The following RBM6 variants were observed in gnomAD, a reference collection of about 807,000 sequenced individuals.
RBM6 encodes the protein RNA binding motif protein 6.
A neutral mutation model predicts 140.4 loss-of-function variants in RBM6; 23 were observed. That is an observed-to-expected ratio of 0.16 (90% CI 0.12 to 0.23). The LOEUF is 0.23. Ranked by LOEUF, RBM6 falls within the 10% of genes least tolerant of loss-of-function variation. The pLI is 1.00. For missense variants in RBM6, 1,139 were observed against 1,386.7 expected (o/e 0.82, Z 2.84); for synonymous variants, 439 against 475.6 (o/e 0.92, Z 1.00).
At chr3:50,076,745 G>T (rs1297701733) in intron 20 of RBM6, among the ~76,000 whole-genome samples, 1 of 151,934 alleles carries the variant, frequency 6.6e-6, no homozygotes, top group Non-Finnish European at 1.5e-5. Flanking sequence ...AATTAGCCGG[G>T]CGTGGTGGCA....
chr3:49,952,162 G>C (rs755835864), intron 1 of RBM6, among the ~76,000 whole-genome samples: 10 of 151,930 alleles, frequency 6.6e-5, no homozygotes, highest in Admixed American at 2.6e-4. Context: ...AGCCTCCCGA[G>C]TATATAGGAC....
intron 1 of RBM6, among the ~76,000 whole-genome samples, chr3:49,955,160 C>CTTTCTTTTT (rs2083917945): frequency 4.1e-5 from 3 of 72,708 alleles, no homozygotes; most frequent in African/African-American, 1.2e-4. Context: ...TTTTTTCTTT[C>CTTTCTTTTT]TTTTTTTTTT....
intron 2 of RBM6, among the ~76,000 whole-genome samples, chr3:49,966,523 C>T (rs2084524854): frequency 6.6e-6 from 1 of 152,126 alleles, no homozygotes; most frequent in Non-Finnish European, 1.5e-5. Flanking sequence ...TTGTTTATCT[C>T]TTGAGTTCTA....
At chr3:50,069,926 G>A (rs961902420) in intron 18 of RBM6, among the ~76,000 whole-genome samples, 2 of 152,082 alleles carry the variant, frequency 1.3e-5, no homozygotes, top group African/African-American at 2.4e-5. Context: ...TTCTCAGAAG[G>A]GGAAAAGACA....
intron 1 of RBM6, among the ~76,000 whole-genome samples, chr3:49,945,846 C>T (rs899974671): frequency 2.1e-5 from 3 of 141,166 alleles, no homozygotes; most frequent in Non-Finnish European, 3.0e-5. Flanking sequence ...CGCGCCACTG[C>T]ACTCCAGCCT....
chr3:49,979,996 C>CT, intron 5 of RBM6, among the ~76,000 whole-genome samples: 1 of 151,616 alleles, frequency 6.6e-6, no homozygotes, highest in African/African-American at 2.4e-5. Flanking sequence ...TAGAGAACAT[C>CT]TTTTTTCTTT....
At chr3:49,953,321 G>A (rs181549079) in intron 1 of RBM6, among the ~76,000 whole-genome samples, 34 of 151,836 alleles carry the variant, frequency 2.2e-4, no homozygotes, top group African/African-American at 7.7e-4. Flanking sequence ...CCGGATTCAA[G>A]TGATTCTCCT....
chr3:50,051,936 G>A (rs988593614), intron 7 of RBM6, among the ~76,000 whole-genome samples: 1 of 152,228 alleles, frequency 6.6e-6, no homozygotes, highest in Non-Finnish European at 1.5e-5. Context: ...GGGTAAGAAT[G>A]GGGGAGGTAA....
chr3:50,042,753 T>TA (rs371621988), intron 6 of RBM6, among the ~76,000 whole-genome samples: 154 of 148,650 alleles, frequency 1.0e-3, no homozygotes, highest in South Asian at 4.7e-3. Context: ...GTCTTTTTTT[T>TA]AAAAAAAAAA....
intron 1 of RBM6, among the ~76,000 whole-genome samples, chr3:49,958,243 G>A (rs375510930): frequency 7.3e-5 from 11 of 150,030 alleles, no homozygotes; most frequent in African/African-American, 2.7e-4. Flanking sequence ...GGTTAACACA[G>A]TGAAACCCCG....
chr3:49,969,621 A>G (rs2084690491), intron 3 of RBM6, among the ~76,000 whole-genome samples: 1 of 151,368 alleles, frequency 6.6e-6, no homozygotes, highest in African/African-American at 2.4e-5. Context: ...TATTTGAGAC[A>G]CGGTCTTGCT....
chr3:49,950,525 G>GT (rs2083686860), intron 1 of RBM6, among the ~76,000 whole-genome samples: 3 of 152,128 alleles, frequency 2.0e-5, no homozygotes, highest in Admixed American at 1.3e-4. Flanking sequence ...GGAGGCCAAG[G>GT]TGTGGGATCA....
chr3:50,061,583 T>TTTTTG, intron 14 of RBM6, 36 bp downstream of exon 14: 1 of 1,476,922 alleles, frequency 6.8e-7, no homozygotes, highest in Non-Finnish European at 9.2e-7. Flanking sequence ...TTTTTTTTTT[T>TTTTTG]TACCTCTGTC....
chr3:50,056,275 T>C (rs1329123250), intron 8 of RBM6, among the ~76,000 whole-genome samples: 1 of 151,918 alleles, frequency 6.6e-6, no homozygotes, highest in Non-Finnish European at 1.5e-5. Context: ...TTCCAGCAAA[T>C]GAATAGATAG....
intron 5 of RBM6, among the ~76,000 whole-genome samples, chr3:49,989,751 A>G (rs2085730042): frequency 6.6e-6 from 1 of 152,066 alleles, no homozygotes; most frequent in African/African-American, 2.4e-5. Context: ...TATTTTATTT[A>G]TTTATTTTGA....
chr3:49,993,813 A>C (rs2085941071), intron 5 of RBM6, among the ~76,000 whole-genome samples: 1 of 151,966 alleles, frequency 6.6e-6, no homozygotes. Context: ...AATAATCTGC[A>C]CGCCTGTAAT....
intron 1 of RBM6, among the ~76,000 whole-genome samples, chr3:49,951,997 A>G (rs2083756993): frequency 6.6e-6 from 1 of 151,694 alleles, no homozygotes; most frequent in Non-Finnish European, 1.5e-5. Flanking sequence ...CTGGGATTAT[A>G]GGTGTGAGCC....
chr3:50,055,056 T>G (rs1335379567), intron 8 of RBM6, among the ~76,000 whole-genome samples: 1 of 152,184 alleles, frequency 6.6e-6, no homozygotes, highest in Non-Finnish European at 1.5e-5. Flanking sequence ...TCTCCTGACC[T>G]CGTGATCTGT....
chr3:49,976,110 A>C (rs528754184), intron 5 of RBM6, among the ~76,000 whole-genome samples: 10 of 152,286 alleles, frequency 6.6e-5, no homozygotes, highest in African/African-American at 2.2e-4. Flanking sequence ...AATAAAGGTA[A>C]TCTTTAGGTG....
Sources: gnomAD v4.1 joint callset for allele counts (sites outside exome capture counted in the v4.1 genomes callset) on GRCh38, gnomAD v4.1.1 for gene constraint, MANE v1.5 for transcripts, NCBI Gene and HGNC (gene_info 2026-07-23, HGNC 2026-07-21) for gene names.